Variants in PCMTD2 observed in about 807,000 individuals in gnomAD.
PCMTD2 encodes protein-L-isoaspartate (D-aspartate) O-methyltransferase domain containing 2.
In PCMTD2, 16 loss-of-function variants were observed where a neutral mutation model predicts 33.4. The ratio of observed to expected loss-of-function variants is 0.48; its 90% CI spans 0.32 to 0.73. The LOEUF is 0.73. Among genes scored for constraint, PCMTD2 ranks in the 30% least tolerant of loss-of-function variants. The probability of loss-of-function intolerance (pLI) is 0.03; values close to 1 mark genes in which losing one functional copy is unlikely to be tolerated. For synonymous variants in PCMTD2, 161 were observed against 160.8 expected, an observed-to-expected ratio of 1.00 and a Z score of -0.01; for missense variants, 374 against 449.9, an observed-to-expected ratio of 0.83 and a Z score of 1.53.
Position 64,267,815 on chromosome 20 carries a change from T to C in PCMTD2, c.583-72T>C. ...CATTTCTATGTATTTTTATAGTATG[T>C]ATAGGAATGATTAAATATGAGCTAA... On this transcript the variant is annotated intron_variant, in intron 4 of 5. Coordinates refer to ENST00000308824, the MANE Select transcript of PCMTD2 (RefSeq NM_018257.3). 14 of 1,289,932 alleles carry C rather than the reference T, an allele frequency of 1.1e-5. No homozygotes were observed. In the South Asian group the frequency reaches 1.6e-4, roughly 15 times the overall value. The allele number at this position is 1,289,932 out of a possible 1,614,324, so 79.9% of individuals were successfully genotyped here.
At chr20:64,257,490 G>C (rs550284107) in intron 1 of PCMTD2, among the ~76,000 whole-genome samples, 25 of 152,314 alleles carry the variant, frequency 1.6e-4, no homozygotes, top group African/African-American at 6.0e-4. Context: ...TGAAAAATTG[G>C]ATTTGACCAG....
rs1986043334 is a variant in PCMTD2, at chr20:64,274,649, T to A, written c.*1049T>A. ...CTTTTATAATTCTGGAGAAAAAGAT[T>A]TGTTAGTTTTGTAATTTTTTTGTAA... On this transcript the variant is annotated 3_prime_UTR_variant, in exon 6 of 6. Coordinates refer to ENST00000308824, the MANE Select transcript of PCMTD2 (RefSeq NM_018257.3). The A allele has an allele frequency of 6.6e-6, 1 of 152,214 alleles. No homozygotes were observed. Among genetic ancestry groups the A allele is most frequent in the African/African-American group, 2.4e-5 (1 of 41,458 alleles). 9.4% of individuals were successfully genotyped at this position (152,214 alleles called of 1,614,324 possible).
intron 1 of PCMTD2, among the ~76,000 whole-genome samples, chr20:64,259,115 G>T (rs1231477592): frequency 2.6e-5 from 4 of 152,004 alleles, no homozygotes. Context: ...ATTGAGGAGG[G>T]GCTGTAGGAA....
chr20:64,269,364 C>T (rs2427638), intron 5 of PCMTD2, among the ~76,000 whole-genome samples: 86,612 of 152,036 alleles, frequency 0.57, 27,520 homozygotes, highest in African/African-American at 0.86. Flanking sequence ...CTGGTTGAAA[C>T]GAGCCGTTCC....
At chr20:64,271,853 C>T (rs890700347) in intron 5 of PCMTD2, 20 of 193,010 alleles carry the variant, frequency 1.0e-4, no homozygotes, top group African/African-American at 3.7e-4. Flanking sequence ...GCCGGGACCC[C>T]GAGGGCCTCG....
intron 4 of PCMTD2, among the ~76,000 whole-genome samples, chr20:64,267,439 A>G (rs1440887588): frequency 6.6e-6 from 1 of 152,234 alleles, no homozygotes; most frequent in Non-Finnish European, 1.5e-5. Context: ...AGTGCCTATC[A>G]GGACTTAGCC....
At chr20:64,262,097 A>T (rs770915997) in intron 2 of PCMTD2, among the ~76,000 whole-genome samples, 2 of 152,098 alleles carry the variant, frequency 1.3e-5, no homozygotes, top group African/African-American at 4.8e-5. Flanking sequence ...TACCAAAAGT[A>T]TAAGAAAGTA....
In PCMTD2 at chr20:64,273,949, TGCACGG is replaced by T. The variant is rs1342877240; in HGVS notation, c.*350_*355del. 1.0e-5 allele frequency: 2 copies of T among 191,324 alleles called. No individual in the cohort carries two copies. Among genetic ancestry groups the T allele is most frequent in the Non-Finnish European group, 2.1e-5 (2 of 94,314 alleles). The allele number at this position is 191,324 out of a possible 1,614,324, so 11.9% of individuals were successfully genotyped here. ...TTTGATGACCGTCCCTCATGCAACA[TGCACGG>T]TACTCACTAAAAATGAAAACTGAAG... On this transcript the variant is annotated 3_prime_UTR_variant, in exon 6 of 6. Transcript: ENST00000308824.
chr20:64,266,823 ATC>A (rs1379692672), intron 4 of PCMTD2, among the ~76,000 whole-genome samples: 5 of 152,236 alleles, frequency 3.3e-5, no homozygotes, highest in African/African-American at 1.2e-4. Flanking sequence ...TCATCTGCTT[ATC>A]TAGAATATGA....
At chr20:64,263,224 A>G (rs1985507106) in intron 2 of PCMTD2, among the ~76,000 whole-genome samples, 1 of 152,338 alleles carries the variant, frequency 6.6e-6, no homozygotes, top group South Asian at 2.1e-4. Flanking sequence ...AGAGTAATTC[A>G]GGATTTGATG....
intron 1 of PCMTD2, chr20:64,258,739 G>A (rs1484486739): frequency 1.3e-5 from 2 of 152,154 alleles, no homozygotes; most frequent in African/African-American, 4.8e-5. Flanking sequence ...ATTATAACAA[G>A]TTGTTAAAAA....
At chr20:64,272,813 C>CT (rs1985962111) in intron 5 of PCMTD2, among the ~76,000 whole-genome samples, 1 of 152,166 alleles carries the variant, frequency 6.6e-6, no homozygotes, top group Non-Finnish European at 1.5e-5. Flanking sequence ...GAGTAAGACT[C>CT]TGTCTCCAAA....
intron 5 of PCMTD2, among the ~76,000 whole-genome samples, chr20:64,270,493 G>C (rs959481516): frequency 1.3e-5 from 2 of 149,318 alleles, no homozygotes. Flanking sequence ...CGTGCATGGT[G>C]TGCAGTCGTG....
rs1267441727 is a variant in PCMTD2 at position 64,273,416 on chromosome 20, G to A, written c.902G>A (p.Arg301Gln). ...VFLDKEVFAS[R>Q]ISNPSDDNSC... Reference sequence around the variant, plus strand: ...TTGGACAAAGAAGTCTTTGCCAGTCGGATTTCCAACCCCTCAGATGACAAC... The same window carrying A: ...TTGGACAAAGAAGTCTTTGCCAGTCAGATTTCCAACCCCTCAGATGACAAC... Residue 301 changes from arginine (R) to glutamine (Q), a missense_variant, in exon 6 of 6, where the codon CGG becomes CAG. Arg to Gln is a conservative substitution (Grantham distance 43). Transcript: ENST00000308824. 17 of 1,614,078 alleles carry A rather than the reference G, an allele frequency of 1.1e-5. No homozygotes were observed. The highest frequency in any genetic ancestry group is 4.0e-5 in the African/African-American group (3 of 75,016).
In PCMTD2 at chr20:64,255,748, G is replaced by GGCGGCA; in HGVS notation, c.-146_-145insCGGCAG. The GGCGGCA allele has an allele frequency of 5.0e-6, 1 of 200,572 alleles. No individual in the cohort carries two copies. The highest frequency in any genetic ancestry group is 9.9e-6 in the Non-Finnish European group (1 of 101,476). The allele number at this position is 200,572 out of a possible 1,614,324, so 12.4% of individuals were successfully genotyped here. On this transcript the variant is annotated 5_prime_UTR_variant, in exon 1 of 6. Transcript: ENST00000308824. ...AGGCGGCGGCGGCGGCGGCGGCGGC[G>GGCGGCA]GATGTTTACGGCGGCCGAGGTTGGA...
rs1568739706 is a variant in PCMTD2, at chr20:64,275,025, T to C, written c.*1425T>C. Reference sequence around the variant, plus strand: ...TCTTGGGAGTTGCTGGGCTTCAGTGTCTCTGTGGTTTCACCAGCTTAGCTT... The same window carrying C: ...TCTTGGGAGTTGCTGGGCTTCAGTGCCTCTGTGGTTTCACCAGCTTAGCTT... On this transcript the variant is annotated 3_prime_UTR_variant, in exon 6 of 6. Transcript: ENST00000308824. 6.6e-6 allele frequency: 1 copy of C among 152,214 alleles called. No homozygotes were observed. The highest frequency in any genetic ancestry group is 2.4e-5 in the African/African-American group (1 of 41,456). 9.4% of individuals were successfully genotyped at this position (152,214 alleles called of 1,614,324 possible). A position where few individuals can be genotyped will look rare whatever the true frequency, so the allele number is the denominator to read the frequency against.
In PCMTD2 at chr20:64,260,081, C is replaced by A; in HGVS notation, c.116C>A (p.Ala39Glu). 1 of 1,612,364 alleles carries A rather than the reference C, an allele frequency of 6.2e-7. No individual in the cohort carries two copies. The highest frequency in any genetic ancestry group is 8.5e-7 in the Non-Finnish European group (1 of 1,178,422). ...VEQAFRAIDR[A>E]DYYLEEFKEN... ...CAGGCTTTCAGAGCTATCGATCGTG[C>A]AGACTATTATCTTGAAGAATTTAAA... The change falls in exon 2 of 6, where the codon GCA (alanine) becomes GAA (glutamate). Residue 39 changes from alanine (A) to glutamate (E), a missense_variant. Transcript: ENST00000308824.
chr20:64,264,392 C>G, intron 2 of PCMTD2, 37 bp from the exon 3 acceptor site: 1 of 999,404 alleles, frequency 1.0e-6, no homozygotes, highest in Middle Eastern at 2.1e-4. Flanking sequence ...AGTTCTTACT[C>G]TGGTTCTACA....
intron 5 of PCMTD2, among the ~76,000 whole-genome samples, chr20:64,269,545 C>T (rs1009322269): frequency 7.2e-5 from 11 of 152,114 alleles, no homozygotes; most frequent in African/African-American, 2.7e-4. Context: ...TTTTCCTGGG[C>T]CAGTTTCCTA....
Sources: gnomAD v4.1 joint callset for allele counts (sites outside exome capture counted in the v4.1 genomes callset) on GRCh38, gnomAD v4.1.1 for gene constraint, MANE v1.5 for transcripts, NCBI Gene and HGNC (gene_info 2026-07-23, HGNC 2026-07-21) for gene names.